KIAA1586: variants seen among roughly 807,000 people sequenced by gnomAD.
The protein encoded by KIAA1586 is E3 SUMO-protein ligase KIAA1586.
KIAA1586 carries 5 observed loss-of-function variants against 6.1 expected under a neutral mutation model. The observed-to-expected ratio is 0.82, with a 90% confidence interval of 0.43 to 1.73. The LOEUF (loss-of-function observed/expected upper bound fraction) is 1.73. Among genes scored for constraint, KIAA1586 ranks in the 40% most tolerant of loss-of-function variants. KIAA1586 has a pLI of 0.02. For missense variants in KIAA1586, 899 were observed against 878.2 expected, an observed-to-expected ratio of 1.02 and a Z score of -0.30; for synonymous variants, 280 against 301.7, an observed-to-expected ratio of 0.93 and a Z score of 0.75.
chr6:57,054,603 A>T lies in KIAA1586; in HGVS notation c.2104A>T (p.Ile702Phe), dbSNP rs1014453718. The T allele has an allele frequency of 1.2e-6, 2 of 1,604,936 alleles. No individual in the cohort carries two copies. Among genetic ancestry groups the T allele is most frequent in the East Asian group, 4.5e-5 (2 of 44,680 alleles). The change falls in exon 4 of 4, where the codon ATC becomes TTC. Residue 702 changes from isoleucine (I) to phenylalanine (F), a missense_variant. Coordinates refer to ENST00000370733, the MANE Select transcript of KIAA1586 (RefSeq NM_020931.4). ...KAKKIVSTIA[I>F]NSAEAERGFN... ...TAAAAAGATAGTTAGCACCATTGCA[A>T]TCAATAGTGCTGAAGCTGAAAGGGG...
chr6:57,054,882 TG>T lies in KIAA1586; in HGVS notation c.*20del. The T allele has an allele frequency of 6.6e-7, 1 of 1,522,148 alleles. No individual in the cohort carries two copies. The highest frequency in any genetic ancestry group is 8.8e-7 in the Non-Finnish European group (1 of 1,132,180). The allele number at this position is 1,522,148 out of a possible 1,614,324, so 94.3% of individuals were successfully genotyped here. A position where few individuals can be genotyped will look rare whatever the true frequency, so the allele number is the denominator to read the frequency against. On this transcript the variant is annotated 3_prime_UTR_variant, in exon 4 of 4. Coordinates refer to ENST00000370733, the MANE Select transcript of KIAA1586 (RefSeq NM_020931.4). ...AAAATAGAATATTGTATACGTTTTT[TG>T]TCATCTGTAAATTATGTACTACACA... is the stretch of plus-strand genomic sequence containing the variant.
downstream of KIAA1586, among the ~76,000 whole-genome samples, chr6:57,059,328 C>T (rs1828535624): frequency 6.6e-6 from 1 of 152,082 alleles, no homozygotes; most frequent in Non-Finnish European, 1.5e-5. Context: ...CGCACTGGCT[C>T]ATGCCTGTAA....
chr6:57,064,657 G>A, the KIAA1586 span, among the ~76,000 whole-genome samples: 364 of 152,292 alleles, frequency 2.4e-3, 1 homozygote, highest in African/African-American at 8.4e-3. Context: ...AGGTGGATTC[G>A]TGGATGGTGG....
intron 3 of KIAA1586, 40 bp downstream of exon 3, chr6:57,050,894 A>G: frequency 1.4e-6 from 2 of 1,399,812 alleles, no homozygotes; most frequent in South Asian, 2.3e-5. Flanking sequence ...TTTTCTTATT[A>G]AGTGCAATAG....
In KIAA1586 at chr6:57,054,474, T is replaced by G. The variant is rs1431179148; in HGVS notation, c.1975T>G (p.Cys659Gly). Residue 659 changes from cysteine (C) to glycine (G), a missense_variant, in exon 4 of 4, where the codon TGT becomes GGT. Cys to Gly is a radical substitution (Grantham distance 159). Transcript: ENST00000370733. ...IAGEKTLFHL[C>G]KILKYEVDLN... ...TGGTGAAAAAACATTATTTCATTTGTGTAAAATTTTAAAATATGAAGTTGA... is the reference window on the plus strand; with the variant it reads ...TGGTGAAAAAACATTATTTCATTTGGGTAAAATTTTAAAATATGAAGTTGA... The G allele has an allele frequency of 1.9e-6, 3 of 1,599,476 alleles. No homozygotes were observed. Among genetic ancestry groups the G allele is most frequent in the Middle Eastern group, 1.7e-4 (1 of 5,978 alleles).
chr6:57,065,130 C>A, the KIAA1586 span, among the ~76,000 whole-genome samples: 2 of 152,056 alleles, frequency 1.3e-5, no homozygotes, highest in Non-Finnish European at 2.9e-5. Context: ...TCATAAGGGA[C>A]TTTGATATTC....
At chr6:57,063,729 C>T in the KIAA1586 span, among the ~76,000 whole-genome samples, 1 of 152,118 alleles carries the variant, frequency 6.6e-6, no homozygotes, top group Non-Finnish European at 1.5e-5. Flanking sequence ...GCTGGGATTA[C>T]AGGCGTGAGC....
chr6:57,052,221 TAAAC>T (rs981238111), intron 3 of KIAA1586, among the ~76,000 whole-genome samples: 1 of 152,110 alleles, frequency 6.6e-6, no homozygotes, highest in Non-Finnish European at 1.5e-5. Flanking sequence ...AATACAATAA[TAAAC>T]ACATTAAAAA....
rs1828378685 is a variant in KIAA1586, at chr6:57,053,102, T to G, written c.603T>G (p.Ala201=). 6.2e-7 allele frequency: 1 copy of G among 1,609,692 alleles called. No individual in the cohort carries two copies. The highest frequency in any genetic ancestry group is 8.5e-7 in the Non-Finnish European group (1 of 1,178,816). Residue 201 remains alanine, a synonymous_variant, in exon 4 of 4, where the codon GCT becomes GCG. Coordinates refer to ENST00000370733, the MANE Select transcript of KIAA1586 (RefSeq NM_020931.4). ...PNGSNKTTRQ[A]SLRKKIREHD... Reference sequence around the variant, plus strand: ...GCAGTAATAAAACTACTAGGCAAGCTTCTCTACGAAAAAAAATTAGGGAAC... The same window carrying G: ...GCAGTAATAAAACTACTAGGCAAGCGTCTCTACGAAAAAAAATTAGGGAAC...
chr6:57,048,794 A>T (rs1486120304), intron 2 of KIAA1586, among the ~76,000 whole-genome samples: 1 of 152,192 alleles, frequency 6.6e-6, no homozygotes, highest in Non-Finnish European at 1.5e-5. Flanking sequence ...GCCATTGAGA[A>T]AGTATGTAGA....
At chr6:57,049,984 C>G (rs1453166171) in intron 2 of KIAA1586, among the ~76,000 whole-genome samples, 2 of 151,844 alleles carry the variant, frequency 1.3e-5, no homozygotes. Context: ...AAAAATTGTA[C>G]TATGAAATCT....
chr6:57,055,088 G>C lies in KIAA1586; in HGVS notation c.*225G>C, dbSNP rs111599201. ...TGGGTCATAATACATATTCCATGAAGTTCTGTACAGAACAAACACCGTTTA... is the reference window on the plus strand; with the variant it reads ...TGGGTCATAATACATATTCCATGAACTTCTGTACAGAACAAACACCGTTTA... On this transcript the variant is annotated 3_prime_UTR_variant, in exon 4 of 4. Transcript: ENST00000370733. The C allele has an allele frequency of 2.9e-4, 109 of 380,244 alleles. 1 individual carries two copies. Among genetic ancestry groups the C allele is most frequent in the African/African-American group, 1.7e-3 (86 of 49,472 alleles). 23.6% of individuals were successfully genotyped at this position (380,244 alleles called of 1,614,324 possible).
chr6:57,056,319 G>T (rs983575926), downstream of KIAA1586, among the ~76,000 whole-genome samples: 2 of 151,904 alleles, frequency 1.3e-5, no homozygotes, highest in African/African-American at 4.8e-5. Context: ...CAGTTCTCCT[G>T]CCTCAGCCTC....
In KIAA1586 at chr6:57,053,052, AT is replaced by A; in HGVS notation, c.555del (p.Ile185MetfsTer4). ...EKHVHVSKEWIAYLVTPNGSN... is the reference protein window; with the variant it reads ...EKHVHVSKEWXAYLVTPNGSN... Reference sequence around the variant, plus strand: ...GCATGTCCATGTGTCCAAGGAATGGATTGCATATTTAGTAACCCCTAATGGC... The same window carrying A: ...GCATGTCCATGTGTCCAAGGAATGGATGCATATTTAGTAACCCCTAATGGC... On this transcript the variant is annotated frameshift_variant, in exon 4 of 4. Transcript: ENST00000370733. LOFTEE classifies it low-confidence loss of function (END_TRUNC). 6.2e-7 allele frequency: 1 copy of A among 1,613,614 alleles called. No homozygotes were observed. The highest frequency in any genetic ancestry group is 8.5e-7 in the Non-Finnish European group (1 of 1,179,780).
Position 57,054,278 on chromosome 6 carries a change from TAA to T in KIAA1586, c.1783_1784del (p.Asn595GlnfsTer2). 6.3e-7 allele frequency: 1 copy of T among 1,580,752 alleles called. No individual in the cohort carries two copies. Among genetic ancestry groups the T allele is most frequent in the Non-Finnish European group, 8.6e-7 (1 of 1,166,112 alleles). On this transcript the variant is annotated frameshift_variant, in exon 4 of 4. Coordinates refer to ENST00000370733, the MANE Select transcript of KIAA1586 (RefSeq NM_020931.4). LOFTEE classifies it low-confidence loss of function (END_TRUNC). ...ATAAGTTTAAAGATATTCCATTTAA[TAA>T]AAACAATAAATTTAATGCTCTTCCT... ...SDKFKDIPFN[K>X]NNKFNALPRS...
At chr6:57,059,386 A>G (rs942348117), downstream of KIAA1586, among the ~76,000 whole-genome samples, 8 of 151,922 alleles carry the variant, frequency 5.3e-5, no homozygotes, top group Admixed American at 3.3e-4. Flanking sequence ...AGGTCAGGAG[A>G]TTGAGACCAT....
downstream of KIAA1586, among the ~76,000 whole-genome samples, chr6:57,057,839 T>G (rs750466510): frequency 5.3e-5 from 8 of 152,174 alleles, no homozygotes; most frequent in Non-Finnish European, 1.0e-4. Flanking sequence ...GGTCTTGCTT[T>G]GTCGCCCAGG....
In KIAA1586 at chr6:57,054,786, G is replaced by C. The variant is rs1828462570; in HGVS notation, c.2287G>C (p.Ala763Pro). 2.6e-6 allele frequency: 4 copies of C among 1,551,210 alleles called. No homozygotes were observed. The highest frequency in any genetic ancestry group is 3.5e-6 in the Non-Finnish European group (4 of 1,146,792). The stretch of plus-strand genomic sequence containing the variant: ...TTGGTCAAATTGCAACCACAGGTTG[G>C]CTACAGATACAAGAGTTCGGCAAAA... Reference protein sequence around the residue: ...KSWSNCNHRLATDTRVRQKST... With the variant: ...KSWSNCNHRLPTDTRVRQKST... The change falls in exon 4 of 4, where the codon GCT becomes CCT. Residue 763 changes from alanine to proline, a missense_variant. By Grantham distance (27) the Ala-to-Pro change is conservative. Coordinates refer to ENST00000370733, the MANE Select transcript of KIAA1586 (RefSeq NM_020931.4).
chr6:57,059,060 T>C (rs1828533013), downstream of KIAA1586, among the ~76,000 whole-genome samples: 3 of 152,342 alleles, frequency 2.0e-5, no homozygotes, highest in African/African-American at 7.2e-5. Context: ...TTTGTGAGTC[T>C]ACTTTGTCAT....
Sources: gnomAD v4.1 joint callset for allele counts (sites outside exome capture counted in the v4.1 genomes callset) on GRCh38, gnomAD v4.1.1 for gene constraint, MANE v1.5 for transcripts, NCBI Gene and HGNC (gene_info 2026-07-23, HGNC 2026-07-21) for gene names.